BLTP1: variants seen among roughly 807,000 people sequenced by gnomAD.
BLTP1 encodes bridge-like lipid transfer protein family member 1, also known as fragile site-associated protein.
the BLTP1 span, among the ~76,000 whole-genome samples, chr4:122,158,245 CTATAACTAATTAATT>C: frequency 6.6e-6 from 1 of 152,096 alleles, no homozygotes; most frequent in Non-Finnish European, 1.5e-5. Flanking sequence ...AAATGAAGCC[CTATAACTAATTAATT>C]TATGGTATGA....
the BLTP1 span, chr4:122,246,182 A>G: frequency 1.9e-6 from 3 of 1,594,330 alleles, no homozygotes; most frequent in Admixed American, 5.3e-5. Flanking sequence ...TAGAGGAACA[A>G]AAACTGAGCA....
At chr4:122,347,810 C>A in the BLTP1 span, 1 of 1,505,492 alleles carries the variant, frequency 6.6e-7, no homozygotes, top group South Asian at 1.2e-5. Context: ...ATCAGTAGCC[C>A]TACAGTGTTC....
chr4:122,175,803 A>T, the BLTP1 span: 1 of 1,285,218 alleles, frequency 7.8e-7, no homozygotes, highest in Non-Finnish European at 1.1e-6. Context: ...GAAATGAGTT[A>T]AGTAAATTGT....
At chr4:122,213,391 ACCTTAAAAC>A in the BLTP1 span, among the ~76,000 whole-genome samples, 1 of 152,020 alleles carries the variant, frequency 6.6e-6, no homozygotes, top group Non-Finnish European at 1.5e-5. Flanking sequence ...CAGTATTAGT[ACCTTAAAAC>A]TTTTTGGAAG....
At chr4:122,291,959 T>A in the BLTP1 span, 75 of 172,502 alleles carry the variant, frequency 4.3e-4, no homozygotes, top group Non-Finnish European at 8.1e-4. Context: ...TGCTCATGCA[T>A]CAAACAGTTT....
chr4:122,301,521 C>A, the BLTP1 span: 1 of 501,600 alleles, frequency 2.0e-6, no homozygotes, highest in South Asian at 5.2e-5. Flanking sequence ...ATAACTCCAT[C>A]TACTCAGAGA....
the BLTP1 span, chr4:122,240,337 C>T: frequency 6.2e-7 from 1 of 1,613,440 alleles, no homozygotes; most frequent in African/African-American, 1.3e-5. Flanking sequence ...GAACAGCTTT[C>T]TGTTCCAACT....
chr4:122,170,708 A>G, the BLTP1 span: 1 of 1,599,598 alleles, frequency 6.3e-7, no homozygotes, highest in African/African-American at 1.4e-5. Context: ...AGATTTTCTT[A>G]CAGAACACAA....
the BLTP1 span, chr4:122,269,488 C>A: frequency 1.5e-5 from 15 of 985,090 alleles, no homozygotes; most frequent in Admixed American, 6.2e-5. Flanking sequence ...AGCTCCGATG[C>A]TCCACATTCT....
At chr4:122,257,353 A>G in the BLTP1 span, 1 of 1,614,104 alleles carries the variant, frequency 6.2e-7, no homozygotes, top group Non-Finnish European at 8.5e-7. Context: ...CCTTTAAAGG[A>G]GTTAGCTTAC....
the BLTP1 span, chr4:122,207,165 A>G: frequency 2.5e-6 from 4 of 1,611,152 alleles, no homozygotes; most frequent in South Asian, 1.1e-5. Context: ...CATTTGTTCC[A>G]TATACGTGGA....
the BLTP1 span, chr4:122,232,259 C>T: frequency 2.7e-6 from 1 of 372,600 alleles, no homozygotes; most frequent in South Asian, 1.1e-4. Flanking sequence ...TATATTACAG[C>T]CAAAGCGGTA....
the BLTP1 span, chr4:122,337,291 C>T: frequency 2.5e-6 from 1 of 402,526 alleles, no homozygotes. Flanking sequence ...ATACACTTAA[C>T]TTACTGAACA....
At chr4:122,325,755 T>C in the BLTP1 span, 6 of 789,428 alleles carry the variant, frequency 7.6e-6, no homozygotes, top group South Asian at 3.7e-5. Context: ...TTAAACATTA[T>C]ATTAAAATGT....
chr4:122,243,361 CTCAT>C, the BLTP1 span: 2 of 958,196 alleles, frequency 2.1e-6, no homozygotes, highest in African/African-American at 3.5e-5. Context: ...TTAAAATTTT[CTCAT>C]TCAATGTATT....
At chr4:122,307,724 C>G in the BLTP1 span, 1 of 985,208 alleles carries the variant, frequency 1.0e-6, no homozygotes, top group African/African-American at 1.7e-5. Flanking sequence ...TTTCTTCTTC[C>G]TTGTGCCATT....
At chr4:122,288,985 G>C in the BLTP1 span, 4 of 1,261,036 alleles carry the variant, frequency 3.2e-6, no homozygotes, top group Non-Finnish European at 4.3e-6. Flanking sequence ...AAATCATATA[G>C]AGATAATTAT....
At chr4:122,166,552 T>A in the BLTP1 span, among the ~76,000 whole-genome samples, 1 of 152,208 alleles carries the variant, frequency 6.6e-6, no homozygotes, top group Non-Finnish European at 1.5e-5. Flanking sequence ...GGCTTGGCAA[T>A]GCAGGCTCTT....
the BLTP1 span, chr4:122,200,744 G>A: frequency 1.1e-6 from 1 of 951,694 alleles, no homozygotes; most frequent in Non-Finnish European, 1.3e-6. Context: ...TGGTTTATCT[G>A]GAGTGCAGTA....
Sources: allele counts gnomAD v4.1 joint callset (sites outside exome capture counted in the v4.1 genomes callset), GRCh38; gene constraint gnomAD v4.1.1; transcripts MANE v1.5; gene names NCBI Gene and HGNC (gene_info 2026-07-23, HGNC 2026-07-21).